Variants in PLXNA4 observed in about 807,000 individuals in gnomAD.
PLXNA4 encodes plexin-A4.
A neutral mutation model predicts 191.8 loss-of-function variants in PLXNA4; 44 were observed. That is an observed-to-expected ratio of 0.23 (90% CI 0.18 to 0.29). The LOEUF is 0.29. PLXNA4 is among the 10% of genes least tolerant of loss of function. PLXNA4 has a pLI of 1.00. For missense variants in PLXNA4, 1,800 were observed against 2,488.8 expected (o/e 0.72, Z 5.89); for synonymous variants, 1,082 against 1,009.5 (o/e 1.07, Z -1.36).
intron 4 of PLXNA4, among the ~76,000 whole-genome samples, chr7:132,259,436 C>CAAAAAAAAAGAAAAAAAAAAA (rs1799545169): frequency 3.0e-5 from 1 of 33,854 alleles, no homozygotes. Flanking sequence ...AACTCCAACT[C>CAAAAAAAAAGAAAAAAAAAAA]AAAAAAAAAA....
At chr7:132,636,267 C>A (rs1803603838) in intron 2 of PLXNA4, among the ~76,000 whole-genome samples, 1 of 152,250 alleles carries the variant, frequency 6.6e-6, no homozygotes, top group Non-Finnish European at 1.5e-5. Flanking sequence ...AGTGCAGGGG[C>A]CTAGGAATTG....
In PLXNA4 at chr7:132,130,500, G is replaced by C. The variant is rs1459392189; in HGVS notation, c.5664C>G (p.Thr1888=). The change falls in exon 32 of 32, where the codon ACC becomes ACG. Residue 1888 remains threonine, a synonymous_variant. Transcript: ENST00000321063. ...KLAYKLEQVI[T]LMSLDS is the part of the protein sequence containing the mutation. ...GTTCTCAGCTGTCTAAGCTCATGAG[G>C]GTTATGACTTGTTCTAGTTTGTAGG... 5.0e-6 allele frequency: 8 copies of C among 1,614,058 alleles called. No individual in the cohort carries two copies. Among genetic ancestry groups the C allele is most frequent in the Non-Finnish European group, 6.8e-6 (8 of 1,180,032 alleles).
chr7:132,503,013 G>T (rs1798317503), intron 2 of PLXNA4, among the ~76,000 whole-genome samples: 1 of 152,164 alleles, frequency 6.6e-6, no homozygotes, highest in Non-Finnish European at 1.5e-5. Flanking sequence ...TTGAGAAGCT[G>T]ATTTCTGCAC....
At chr7:132,584,380 G>A (rs78340821) in intron 2 of PLXNA4, among the ~76,000 whole-genome samples, 4,702 of 152,154 alleles carry the variant, frequency 0.031, 230 homozygotes, top group African/African-American at 0.098. Flanking sequence ...GTGACCCATG[G>A]GTGTGTAGGA....
At chr7:132,178,080 C>T (rs1001110350) in intron 20 of PLXNA4, among the ~76,000 whole-genome samples, 5 of 152,170 alleles carry the variant, frequency 3.3e-5, no homozygotes, top group African/African-American at 9.7e-5. Flanking sequence ...TTTAGTGCAG[C>T]TGATTTCACT....
intron 3 of PLXNA4, among the ~76,000 whole-genome samples, chr7:132,343,261 T>C (rs1803109895): frequency 6.6e-6 from 1 of 152,166 alleles, no homozygotes. Flanking sequence ...AAATTGACCA[T>C]CTTAATCATT....
intron 3 of PLXNA4, among the ~76,000 whole-genome samples, chr7:132,415,091 G>T (rs2117112856): frequency 6.6e-6 from 1 of 152,280 alleles, no homozygotes; most frequent in African/African-American, 2.4e-5. Flanking sequence ...TTGGCCACTG[G>T]CATTAATCTT....
chr7:132,463,721 T>C (rs550913766), intron 3 of PLXNA4, among the ~76,000 whole-genome samples: 9 of 152,366 alleles, frequency 5.9e-5, no homozygotes, highest in Admixed American at 2.0e-4. Flanking sequence ...CCACTGTCTC[T>C]TACTTTCAGC....
chr7:132,435,623 C>T (rs1415370405), intron 3 of PLXNA4, among the ~76,000 whole-genome samples: 2 of 152,070 alleles, frequency 1.3e-5, no homozygotes, highest in African/African-American at 2.4e-5. Flanking sequence ...GCCGGACATC[C>T]GGGGGGTTGT....
chr7:132,248,181 C>T (rs536141915), intron 4 of PLXNA4, among the ~76,000 whole-genome samples: 10 of 152,160 alleles, frequency 6.6e-5, no homozygotes, highest in South Asian at 2.1e-4. Context: ...AAGAGCTTCC[C>T]GAAATAGCTG....
At chr7:132,382,741 A>T (rs1295567183) in intron 3 of PLXNA4, among the ~76,000 whole-genome samples, 3 of 152,198 alleles carry the variant, frequency 2.0e-5, no homozygotes, top group Admixed American at 1.3e-4. Context: ...AACACAGTAT[A>T]ACAAGTGCTT....
rs1563045296 is a variant in PLXNA4, at chr7:132,128,674, G to C, written c.*1805C>G. The C allele has an allele frequency of 6.6e-6, 1 of 152,252 alleles. No homozygotes were observed. Among genetic ancestry groups the C allele is most frequent in the Non-Finnish European group, 1.5e-5 (1 of 68,066 alleles). The allele number at this position is 152,252 out of a possible 1,614,324, so 9.4% of individuals were successfully genotyped here. A position where few individuals can be genotyped will look rare whatever the true frequency, so the allele number is the denominator to read the frequency against. Reference sequence around the variant, plus strand: ...CACATATTCATATCCAAAGGGGCAAGTGTTCTTAAAAGTACCGGATGCTCC... The same window carrying C: ...CACATATTCATATCCAAAGGGGCAACTGTTCTTAAAAGTACCGGATGCTCC... On this transcript the variant is annotated 3_prime_UTR_variant, in exon 32 of 32. Coordinates refer to ENST00000321063, the MANE Select transcript of PLXNA4 (RefSeq NM_020911.2).
Position 132,241,532 on chromosome 7 carries a change from T to C in PLXNA4, c.1504-366A>G, listed in dbSNP as rs191281444. Among the ~76,000 whole-genome samples, 7 of 152,344 alleles carry C rather than the reference T, an allele frequency of 4.6e-5. No individual in the cohort carries two copies. In the East Asian group the frequency reaches 9.6e-4, roughly 21 times the overall value. On this transcript the variant is annotated intron_variant, in intron 4 of 31. Transcript: ENST00000321063. ...TCATCATGTATTTGTTTCCTATCAA[T>C]GTAACAAGTGCAAATGGTCATTCTC...
chr7:132,586,668 A>G (rs1395202449), intron 2 of PLXNA4, among the ~76,000 whole-genome samples: 1 of 152,132 alleles, frequency 6.6e-6, no homozygotes, highest in Non-Finnish European at 1.5e-5. Flanking sequence ...CAGGAGAATC[A>G]CTTGAACCTG....
chr7:132,155,559 C>A (rs73497372), intron 25 of PLXNA4, among the ~76,000 whole-genome samples: 1 of 152,136 alleles, frequency 6.6e-6, no homozygotes, highest in Non-Finnish European at 1.5e-5. Context: ...AGGTACCTAC[C>A]CTGCCCAGAT....
At chr7:132,514,353 T>A (rs568661352) in intron 1 of PLXNA4, among the ~76,000 whole-genome samples, 108 of 152,190 alleles carry the variant, frequency 7.1e-4, no homozygotes, top group African/African-American at 2.3e-3. Flanking sequence ...GCCTGGCCGG[T>A]GAGACTTTTG....
At chr7:132,387,592 C>T (rs1192653825) in intron 3 of PLXNA4, among the ~76,000 whole-genome samples, 1 of 152,184 alleles carries the variant, frequency 6.6e-6, no homozygotes. Flanking sequence ...AATTACGGCA[C>T]TCACTTGCCA....
intron 4 of PLXNA4, among the ~76,000 whole-genome samples, chr7:132,273,451 A>C (rs1800153895): frequency 6.6e-6 from 1 of 152,144 alleles, no homozygotes; most frequent in Non-Finnish European, 1.5e-5. Context: ...TTGCTGACTG[A>C]CCTCAACTAT....
chr7:132,460,389 C>T (rs575564759), intron 3 of PLXNA4, among the ~76,000 whole-genome samples: 1 of 151,228 alleles, frequency 6.6e-6, no homozygotes, highest in East Asian at 2.1e-4. Context: ...AAAAAAACCT[C>T]AAATTGTAAT....
Sources: allele counts gnomAD v4.1 joint callset (sites outside exome capture counted in the v4.1 genomes callset), GRCh38; gene constraint gnomAD v4.1.1; transcripts MANE v1.5; gene names NCBI Gene and HGNC (gene_info 2026-07-23, HGNC 2026-07-21).